Variants in ZNF804B observed in about 807,000 individuals in gnomAD.
ZNF804B encodes zinc finger 804B.
A neutral mutation model predicts 101.4 loss-of-function variants in ZNF804B; 80 were observed. The ratio of observed to expected loss-of-function variants is 0.79; its 90% CI spans 0.66 to 0.95. ZNF804B has a LOEUF of 0.95. Ranked by LOEUF, ZNF804B falls within the 40% of genes least tolerant of loss-of-function variation. The probability of loss-of-function intolerance (pLI) is 0.00; values close to 1 mark genes in which losing one functional copy is unlikely to be tolerated. For synonymous variants in ZNF804B, 622 were observed against 558.8 expected (o/e 1.11, Z -1.59); for missense variants, 1,673 against 1,561.9 (o/e 1.07, Z -1.20).
chr7:88,949,251 T>G (rs1392715870), intron 1 of ZNF804B, among the ~76,000 whole-genome samples: 1 of 151,866 alleles, frequency 6.6e-6, no homozygotes, highest in African/African-American at 2.4e-5. Context: ...CCATTTGCGC[T>G]TGATAATTAT....
chr7:88,885,119 T>A (rs1792106380), intron 1 of ZNF804B, among the ~76,000 whole-genome samples: 2 of 151,992 alleles, frequency 1.3e-5, no homozygotes, highest in Admixed American at 1.3e-4. Context: ...AGTCACCTCA[T>A]ATTGGATTAT....
At chr7:89,291,732 G>C (rs956324562) in intron 2 of ZNF804B, among the ~76,000 whole-genome samples, 6 of 152,054 alleles carry the variant, frequency 3.9e-5, no homozygotes, top group African/African-American at 1.2e-4. Context: ...GGTAATAATA[G>C]AGAACTTCCT....
At chr7:88,854,623 C>G (rs564964959) in intron 1 of ZNF804B, among the ~76,000 whole-genome samples, 1 of 132,924 alleles carries the variant, frequency 7.5e-6, no homozygotes, top group East Asian at 2.3e-4. Context: ...TTTTTTTATG[C>G]TTTCAGTTTT....
intron 1 of ZNF804B, among the ~76,000 whole-genome samples, chr7:89,132,195 C>T (rs935922412): frequency 1.3e-5 from 2 of 148,556 alleles, no homozygotes; most frequent in African/African-American, 2.6e-5. Flanking sequence ...CACACACACA[C>T]ACACACACAG....
At chr7:89,333,015 C>G (rs755790553) in intron 3 of ZNF804B, among the ~76,000 whole-genome samples, 17 of 151,790 alleles carry the variant, frequency 1.1e-4, no homozygotes, top group Non-Finnish European at 2.5e-4. Context: ...TGTGAATGCA[C>G]TGATTGGAAA....
At chr7:89,281,240 A>G (rs879874969) in intron 2 of ZNF804B, among the ~76,000 whole-genome samples, 7 of 152,190 alleles carry the variant, frequency 4.6e-5, no homozygotes, top group Admixed American at 6.5e-5. Flanking sequence ...ATTAATTAAT[A>G]ATCTTTTATT....
chr7:89,116,636 G>A (rs531670918), intron 1 of ZNF804B, among the ~76,000 whole-genome samples: 9 of 152,286 alleles, frequency 5.9e-5, no homozygotes, highest in African/African-American at 1.7e-4. Context: ...AGTCTGGTTT[G>A]TAGTGTAGAG....
At chr7:89,330,078 T>G (rs1790956014) in intron 3 of ZNF804B, among the ~76,000 whole-genome samples, 1 of 151,610 alleles carries the variant, frequency 6.6e-6, no homozygotes, top group Non-Finnish European at 1.5e-5. Context: ...CTACAGACAC[T>G]TTATTAACCA....
At chr7:89,181,756 T>G (rs1013557260) in intron 1 of ZNF804B, among the ~76,000 whole-genome samples, 1 of 152,224 alleles carries the variant, frequency 6.6e-6, no homozygotes, top group Non-Finnish European at 1.5e-5. Flanking sequence ...GGATTCTATT[T>G]AGCCATCTTG....
At chr7:89,142,198 G>A (rs1790727771) in intron 1 of ZNF804B, among the ~76,000 whole-genome samples, 1 of 151,872 alleles carries the variant, frequency 6.6e-6, no homozygotes, top group African/African-American at 2.4e-5. Context: ...TGATAGGACT[G>A]AGACGGAGCA....
intron 3 of ZNF804B, among the ~76,000 whole-genome samples, chr7:89,329,065 C>T (rs1790937650): frequency 1.3e-5 from 2 of 151,636 alleles, no homozygotes; most frequent in Admixed American, 1.3e-4. Flanking sequence ...CATTAAGTTT[C>T]TTTCAAATAA....
At chr7:89,066,799 G>T (rs1187264964) in intron 1 of ZNF804B, among the ~76,000 whole-genome samples, 5 of 151,928 alleles carry the variant, frequency 3.3e-5, no homozygotes, top group Admixed American at 6.6e-5. Flanking sequence ...TTTTGCTCTT[G>T]TTGCCCAGGC....
At chr7:89,243,830 C>T (rs1300319239) in intron 2 of ZNF804B, among the ~76,000 whole-genome samples, 1 of 151,736 alleles carries the variant, frequency 6.6e-6, no homozygotes, top group African/African-American at 2.4e-5. Context: ...GTCAAAAGTT[C>T]ATGTGGTAAA....
chr7:89,171,288 G>GCTGCTGCTGCTTCTTCTTCTTCTTCTT (rs1215246589), intron 1 of ZNF804B, among the ~76,000 whole-genome samples: 5 of 82,482 alleles, frequency 6.1e-5, no homozygotes, highest in African/African-American at 2.4e-4. Flanking sequence ...TGCTGCTGCT[G>GCTGCTGCTGCTTCTTCTTCTTCTTCTT]CTTCTTCTTC....
At chr7:89,189,901 A>G (rs568049466) in intron 1 of ZNF804B, among the ~76,000 whole-genome samples, 1 of 152,300 alleles carries the variant, frequency 6.6e-6, no homozygotes, top group African/African-American at 2.4e-5. Context: ...TCATAAATTT[A>G]TAATGCCATA....
chr7:88,930,167 C>G (rs1415687606), intron 1 of ZNF804B, among the ~76,000 whole-genome samples: 1 of 151,816 alleles, frequency 6.6e-6, no homozygotes, highest in Non-Finnish European at 1.5e-5. Flanking sequence ...TACCTATATG[C>G]TTTTTAGTTT....
Position 89,336,847 on chromosome 7 carries a change from A to G in ZNF804B, c.3865A>G (p.Thr1289Ala), listed in dbSNP as rs1231897086. 1.9e-6 allele frequency: 3 copies of G among 1,613,954 alleles called. No homozygotes were observed. The Admixed American group carries it at 5.0e-5, about 27-fold the overall frequency. ...CATAACACTTCAGCCTCTGCCCCCTACAGCATTTATTCCTACATTGTTTGG... is the reference window on the plus strand; with the variant it reads ...CATAACACTTCAGCCTCTGCCCCCTGCAGCATTTATTCCTACATTGTTTGG... The part of the protein sequence containing the change: ...SHITLQPLPP[T>A]AFIPTLFGPH... The change falls in exon 4 of 4, where the codon ACA becomes GCA. Residue 1289 changes from threonine to alanine, a missense_variant. Coordinates refer to ENST00000333190, the MANE Select transcript of ZNF804B (RefSeq NM_181646.5).
chr7:88,993,053 A>G (rs1007945008), intron 1 of ZNF804B, among the ~76,000 whole-genome samples: 1 of 152,130 alleles, frequency 6.6e-6, no homozygotes, highest in Admixed American at 6.5e-5. Flanking sequence ...CAACATAAGA[A>G]AATGGCCAAA....
chr7:89,239,286 G>A (rs1375618639), intron 2 of ZNF804B, among the ~76,000 whole-genome samples: 2 of 152,092 alleles, frequency 1.3e-5, no homozygotes, highest in Non-Finnish European at 2.9e-5. Context: ...ATGCAGAACT[G>A]CCAATCAGGA....
Sources: gnomAD v4.1 joint callset for allele counts (sites outside exome capture counted in the v4.1 genomes callset) on GRCh38, gnomAD v4.1.1 for gene constraint, MANE v1.5 for transcripts, NCBI Gene and HGNC (gene_info 2026-07-23, HGNC 2026-07-21) for gene names.